LSAMP: variants seen among roughly 807,000 people sequenced by gnomAD.
LSAMP encodes the protein limbic system-associated membrane protein.
Under a neutral mutation model 38.6 loss-of-function variants are expected in LSAMP, and 7 were observed. That is an observed-to-expected ratio of 0.18 (90% CI 0.10 to 0.34). The LOEUF is 0.34. Ranked by LOEUF, LSAMP falls within the 10% of genes least tolerant of loss-of-function variation. The pLI, the probability that LSAMP is intolerant of heterozygous loss-of-function variation, is 1.00. For synonymous variants in LSAMP, 154 were observed against 166.8 expected (o/e 0.92, Z 0.59); for missense variants, 313 against 420.0 (o/e 0.75, Z 2.23).
chr3:116,171,238 A>G (rs1429201371), intron 1 of LSAMP, among the ~76,000 whole-genome samples: 2 of 152,186 alleles, frequency 1.3e-5, no homozygotes, highest in Non-Finnish European at 2.9e-5. Context: ...ATGTTTAACA[A>G]GCATTTGATT....
chr3:116,022,386 A>G (rs1940664275), intron 2 of LSAMP, among the ~76,000 whole-genome samples: 1 of 151,864 alleles, frequency 6.6e-6, no homozygotes, highest in Non-Finnish European at 1.5e-5. Flanking sequence ...CCACATCGTC[A>G]TTTCCCATCC....
chr3:115,946,181 A>G (rs2107568428), intron 3 of LSAMP, among the ~76,000 whole-genome samples: 1 of 152,290 alleles, frequency 6.6e-6, no homozygotes, highest in African/African-American at 2.4e-5. Context: ...ATACTGCATG[A>G]TCTCACTTAT....
At chr3:116,384,273 T>C (rs2048598376) in intron 1 of LSAMP, among the ~76,000 whole-genome samples, 1 of 152,202 alleles carries the variant, frequency 6.6e-6, no homozygotes, top group African/African-American at 2.4e-5. Flanking sequence ...TACCTCTTTA[T>C]TCTGAAGAAT....
Position 115,810,992 on chromosome 3 carries a change from C to T in LSAMP, c.920-578G>A, listed in dbSNP as rs184263333. Reference sequence around the variant, plus strand: ...TAGCAAGGGAGAAAATAAGTCAATACATCTTAAAATCTTAAGAGGCAGCAA... The same window carrying T: ...TAGCAAGGGAGAAAATAAGTCAATATATCTTAAAATCTTAAGAGGCAGCAA... On this transcript the variant is annotated intron_variant, in intron 6 of 6. Transcript: ENST00000490035. 4.7e-3 allele frequency among the ~76,000 whole-genome samples: 716 copies of T among 152,298 alleles called. 7 individuals carry two copies. Among genetic ancestry groups the T allele is most frequent in the Non-Finnish European group, 4.9e-3 (334 of 68,010 alleles).
chr3:116,209,184 T>C (rs2046116725), intron 1 of LSAMP, among the ~76,000 whole-genome samples: 1 of 152,258 alleles, frequency 6.6e-6, no homozygotes, highest in Non-Finnish European at 1.5e-5. Context: ...CGTCACCCCT[T>C]TCTTTGACTT....
intron 3 of LSAMP, among the ~76,000 whole-genome samples, chr3:116,004,367 T>G (rs1940089143): frequency 6.6e-6 from 1 of 151,814 alleles, no homozygotes; most frequent in African/African-American, 2.4e-5. Flanking sequence ...AAAAATAATA[T>G]CAAGTTCATA....
rs141879033 is a variant in LSAMP at position 115,811,978 on chromosome 3, T to C, written c.920-1564A>G. On this transcript the variant is annotated intron_variant, in intron 6 of 6. Transcript: ENST00000490035. The stretch of plus-strand genomic sequence containing the variant: ...CCCAGGTATCTGGCTCCAGAGTCTT[T>C]GCCTGTAAGTACTACACAGTAAAGG... Among the ~76,000 whole-genome samples the C allele has an allele frequency of 1.1e-3, 166 of 152,320 alleles. 1 individual carries two copies. The highest frequency in any genetic ancestry group is 3.8e-3 in the African/African-American group (157 of 41,590).
chr3:116,412,561 A>T (rs552608220), intron 1 of LSAMP, among the ~76,000 whole-genome samples: 4 of 152,240 alleles, frequency 2.6e-5, no homozygotes, highest in South Asian at 2.1e-4. Context: ...TTAAACAAGT[A>T]CTGACAGCAA....
At chr3:116,009,109 G>T (rs952744390) in intron 3 of LSAMP, among the ~76,000 whole-genome samples, 1 of 152,082 alleles carries the variant, frequency 6.6e-6, no homozygotes, top group African/African-American at 2.4e-5. Flanking sequence ...CAGAAAAATT[G>T]AAAATATAAA....
chr3:116,338,715 T>G (rs1040941460), intron 1 of LSAMP, among the ~76,000 whole-genome samples: 1 of 151,958 alleles, frequency 6.6e-6, no homozygotes, highest in Non-Finnish European at 1.5e-5. Context: ...CTTTCTGAGG[T>G]GTGGACTGTC....
At chr3:115,848,729 G>A (rs1935237714) in intron 4 of LSAMP, among the ~76,000 whole-genome samples, 1 of 152,178 alleles carries the variant, frequency 6.6e-6, no homozygotes, top group South Asian at 2.1e-4. Context: ...GACAAATAAA[G>A]GGAAAAGGAG....
intron 1 of LSAMP, among the ~76,000 whole-genome samples, chr3:116,295,629 C>T (rs2047321041): frequency 6.6e-6 from 1 of 152,124 alleles, no homozygotes; most frequent in Non-Finnish European, 1.5e-5. Flanking sequence ...CTTTAGTTGG[C>T]ATTATTGCTA....
chr3:115,997,876 ATAC>A (rs1192108066), intron 3 of LSAMP, among the ~76,000 whole-genome samples: 1 of 145,674 alleles, frequency 6.9e-6, no homozygotes, highest in African/African-American at 2.5e-5. Context: ...AATATACAAT[ATAC>A]ATTATTATAT....
intron 1 of LSAMP, among the ~76,000 whole-genome samples, chr3:116,367,729 G>C (rs767483345): frequency 4.0e-5 from 6 of 151,366 alleles, no homozygotes; most frequent in African/African-American, 1.5e-4. Flanking sequence ...GGCTGGTCTC[G>C]AACTCCTGAC....
At chr3:116,411,683 G>T (rs1346110558) in intron 1 of LSAMP, among the ~76,000 whole-genome samples, 1 of 148,788 alleles carries the variant, frequency 6.7e-6, no homozygotes, top group Non-Finnish European at 1.5e-5. Flanking sequence ...GCTAAATGAC[G>T]AGTTAATGGG....
intron 3 of LSAMP, among the ~76,000 whole-genome samples, chr3:115,878,030 A>G (rs900057664): frequency 6.6e-6 from 1 of 152,100 alleles, no homozygotes; most frequent in Non-Finnish European, 1.5e-5. Context: ...AATGAGCTCC[A>G]TCTCCCTGGG....
chr3:115,963,235 T>C (rs1938688506), intron 3 of LSAMP, among the ~76,000 whole-genome samples: 1 of 152,218 alleles, frequency 6.6e-6, no homozygotes, highest in African/African-American at 2.4e-5. Flanking sequence ...GTACCATAAT[T>C]AATCCAAATG....
At chr3:116,426,561 G>T (rs2049199413) in intron 1 of LSAMP, among the ~76,000 whole-genome samples, 1 of 151,472 alleles carries the variant, frequency 6.6e-6, no homozygotes, top group Non-Finnish European at 1.5e-5. Context: ...GATAGCAGTG[G>T]GAATAAAAAA....
At chr3:115,978,691 A>G (rs1210019885) in intron 3 of LSAMP, among the ~76,000 whole-genome samples, 2 of 151,770 alleles carry the variant, frequency 1.3e-5, no homozygotes, top group Admixed American at 6.6e-5. Context: ...AAAAGAATCA[A>G]TGAAAAAAAA....
Sources: gnomAD v4.1 joint callset for allele counts (sites outside exome capture counted in the v4.1 genomes callset) on GRCh38, gnomAD v4.1.1 for gene constraint, MANE v1.5 for transcripts, NCBI Gene and HGNC (gene_info 2026-07-23, HGNC 2026-07-21) for gene names.